The following PCDHAC1 variants were observed in gnomAD, a reference collection of about 807,000 sequenced individuals.
PCDHAC1 encodes the protein protocadherin alpha subfamily C, 1.
A neutral mutation model predicts 60.0 loss-of-function variants in PCDHAC1; 42 were observed. The observed-to-expected ratio is 0.70, with a 90% CI of 0.55 to 0.90. The LOEUF is 0.90. Among genes scored for constraint, PCDHAC1 ranks in the 40% least tolerant of loss-of-function variants. PCDHAC1 has a pLI of 0.00. For synonymous variants in PCDHAC1, 468 were observed against 499.3 expected (o/e 0.94, Z 0.84); for missense variants, 1,160 against 1,222.3 (o/e 0.95, Z 0.76).
chr5:140,943,737 C>T (rs551964655), intron 1 of PCDHAC1, among the ~76,000 whole-genome samples: 12 of 152,258 alleles, frequency 7.9e-5, no homozygotes, highest in African/African-American at 2.9e-4. Context: ...TGAAAGTCCA[C>T]AGTCTAAAAG....
chr5:140,951,889 G>A (rs2094649080), intron 1 of PCDHAC1, among the ~76,000 whole-genome samples: 1 of 152,142 alleles, frequency 6.6e-6, no homozygotes, highest in Non-Finnish European at 1.5e-5. Flanking sequence ...ACTCTCTTCT[G>A]CCTATGAGCC....
intron 1 of PCDHAC1, chr5:140,966,280 G>A (rs782249047): frequency 2.0e-4 from 74 of 365,660 alleles, no homozygotes; most frequent in Middle Eastern, 6.9e-4. Context: ...CTGGACAGTG[G>A]GGGTAGGGAG....
intron 3 of PCDHAC1, among the ~76,000 whole-genome samples, chr5:140,982,864 T>G (rs1294289316): frequency 1.3e-5 from 2 of 152,114 alleles, no homozygotes; most frequent in Non-Finnish European, 2.9e-5. Flanking sequence ...TTCAAATGCT[T>G]AGGTCATCCA....
At position 140,928,356 on chromosome 5, in the gene PCDHAC1, C is replaced by A; in HGVS notation, c.1464C>A (p.Ile488=). The change falls in exon 1 of 4, where the codon ATC becomes ATA. Residue 488 remains isoleucine, a synonymous_variant. Coordinates refer to ENST00000253807, the MANE Select transcript of PCDHAC1 (RefSeq NM_018898.5). ...TCTCTTATGAGCTGTTGGATGTTAT[C>A]TCTGAAGGGCCATCAGCCTCTAGCT... ...GLVSYELLDV[I]SEGPSASSLL... is the part of the protein sequence containing the mutation. 1 of 1,614,176 alleles carries A rather than the reference C, an allele frequency of 6.2e-7. No individual in the cohort carries two copies. Among genetic ancestry groups the A allele is most frequent in the South Asian group, 1.1e-5 (1 of 91,084 alleles).
At position 140,926,610 on chromosome 5, in the gene PCDHAC1, C is replaced by A. The variant is rs2083401767; in HGVS notation, c.-283C>A. The A allele has an allele frequency of 8.5e-6, 3 of 352,484 alleles. No homozygotes were observed. Among genetic ancestry groups the A allele is most frequent in the African/African-American group, 2.1e-5 (1 of 47,038 alleles). 21.8% of individuals were successfully genotyped at this position (352,484 alleles called of 1,614,324 possible). ...GCCCGGGCGGGCGGCCTCGTCTCTG[C>A]ACCCCTAGGCGGCGCTGCGCTCCTC... is the stretch of plus-strand genomic sequence containing the variant. On this transcript the variant is annotated 5_prime_UTR_variant, in exon 1 of 4. Transcript: ENST00000253807.
chr5:140,986,572 G>T (rs1587171327), intron 3 of PCDHAC1, among the ~76,000 whole-genome samples: 1 of 152,268 alleles, frequency 6.6e-6, no homozygotes, highest in East Asian at 1.9e-4. Context: ...TCTGTTATTG[G>T]TTTTTCCAGC....
At chr5:140,953,554 A>C (rs1554220985) in intron 1 of PCDHAC1, among the ~76,000 whole-genome samples, 2 of 152,044 alleles carry the variant, frequency 1.3e-5, no homozygotes, top group Non-Finnish European at 2.9e-5. Flanking sequence ...TCTTTTCTCC[A>C]AGTTTTAGTG....
intron 1 of PCDHAC1, among the ~76,000 whole-genome samples, chr5:140,965,085 C>T (rs1439379437): frequency 6.6e-6 from 1 of 152,142 alleles, no homozygotes; most frequent in African/African-American, 2.4e-5. Context: ...TGACTTTGTT[C>T]CAGTCCATAG....
At chr5:140,996,596 C>T (rs1343501273) in intron 3 of PCDHAC1, among the ~76,000 whole-genome samples, 1 of 152,156 alleles carries the variant, frequency 6.6e-6, no homozygotes, top group Non-Finnish European at 1.5e-5. Flanking sequence ...CCGCCTCCCC[C>T]CATTTTCATT....
chr5:140,945,201 T>G (rs1168662297), intron 1 of PCDHAC1, among the ~76,000 whole-genome samples: 1 of 152,172 alleles, frequency 6.6e-6, no homozygotes, highest in Middle Eastern at 3.4e-3. Context: ...CTATTTACAA[T>G]AGCTATGAGA....
intron 1 of PCDHAC1, among the ~76,000 whole-genome samples, chr5:140,952,271 G>A (rs561917046): frequency 6.6e-6 from 1 of 151,646 alleles, no homozygotes; most frequent in East Asian, 2.0e-4. Flanking sequence ...CTGGGGTCTT[G>A]AGGGTGGTGG....
chr5:140,969,363 C>T, intron 1 of PCDHAC1: 2 of 1,610,732 alleles, frequency 1.2e-6, no homozygotes, highest in Non-Finnish European at 8.5e-7. Context: ...CTTCTACAAA[C>T]TCATGCATTT....
At chr5:140,981,077 G>C (rs1178580802) in intron 2 of PCDHAC1, among the ~76,000 whole-genome samples, 1 of 152,168 alleles carries the variant, frequency 6.6e-6, no homozygotes, top group Non-Finnish European at 1.5e-5. Flanking sequence ...GGGAAGAATA[G>C]TAAAAGGTCA....
intron 2 of PCDHAC1, among the ~76,000 whole-genome samples, chr5:140,979,718 TGCCATGGG>T (rs1430155366): frequency 1.3e-5 from 2 of 152,270 alleles, no homozygotes; most frequent in Non-Finnish European, 2.9e-5. Context: ...CCAGTATCCA[TGCCATGGG>T]GCCAAATAAA....
intron 1 of PCDHAC1, among the ~76,000 whole-genome samples, chr5:140,941,848 G>A (rs2093183003): frequency 6.6e-6 from 1 of 152,142 alleles, no homozygotes; most frequent in South Asian, 2.1e-4. Flanking sequence ...GCCATTACCT[G>A]ATATTCCCTA....
At chr5:140,969,034 G>A in intron 1 of PCDHAC1, 1 of 1,614,144 alleles carries the variant, frequency 6.2e-7, no homozygotes, top group East Asian at 2.2e-5. Flanking sequence ...CTGCAGAACT[G>A]TACAAACAAG....
At chr5:140,946,540 T>G (rs1182532418) in intron 1 of PCDHAC1, among the ~76,000 whole-genome samples, 1 of 150,344 alleles carries the variant, frequency 6.7e-6, no homozygotes, top group African/African-American at 2.5e-5. Context: ...CATTGCAGCA[T>G]TATTCATGAT....
intron 1 of PCDHAC1, among the ~76,000 whole-genome samples, chr5:140,964,719 C>T (rs1042863318): frequency 1.3e-5 from 2 of 151,420 alleles, no homozygotes; most frequent in Non-Finnish European, 2.9e-5. Flanking sequence ...ATCAAATTAC[C>T]ACAGCAAACT....
Position 141,010,120 on chromosome 5 carries a change from C to T in PCDHAC1, c.*183C>T, listed in dbSNP as rs1554262685. 6.2e-7 allele frequency: 1 copy of T among 1,607,404 alleles called. No homozygotes were observed. Among genetic ancestry groups the T allele is most frequent in the Admixed American group, 1.7e-5 (1 of 58,482 alleles). ...AACAGGTTTTGTCGTAAAAGCTTTACTAAGTCTGGTGTTAACTCTTTCTCT... is the reference window on the plus strand; with the variant it reads ...AACAGGTTTTGTCGTAAAAGCTTTATTAAGTCTGGTGTTAACTCTTTCTCT... On this transcript the variant is annotated 3_prime_UTR_variant, in exon 4 of 4. Coordinates refer to ENST00000253807, the MANE Select transcript of PCDHAC1 (RefSeq NM_018898.5).
Sources: gnomAD v4.1 joint callset for allele counts (sites outside exome capture counted in the v4.1 genomes callset) on GRCh38, gnomAD v4.1.1 for gene constraint, MANE v1.5 for transcripts, NCBI Gene and HGNC (gene_info 2026-07-23, HGNC 2026-07-21) for gene names.